Variants in WWOX observed in about 807,000 individuals in gnomAD.
The protein encoded by WWOX is WW domain containing oxidoreductase.
A neutral mutation model predicts 46.2 loss-of-function variants in WWOX; 69 were observed. The ratio of observed to expected loss-of-function variants is 1.49; its 90% CI spans 1.23 to 1.82. The LOEUF (loss-of-function observed/expected upper bound fraction) is 1.82, where lower values mean the gene tolerates loss of function less well. WWOX is among the 40% of genes most tolerant of loss of function. WWOX has a pLI of 0.00. For missense variants in WWOX, 919 were observed against 542.6 expected, an observed-to-expected ratio of 1.69 and a Z score of -6.89; for synonymous variants, 359 against 202.6, an observed-to-expected ratio of 1.77 and a Z score of -6.56.
intron 8 of WWOX, among the ~76,000 whole-genome samples, chr16:78,852,691 A>C (rs576827165): frequency 1.3e-5 from 2 of 152,210 alleles, no homozygotes; most frequent in Admixed American, 6.5e-5. Context: ...GTAATTTGCT[A>C]CACACCAATA....
chr16:78,229,021 G>C (rs1222631375), intron 5 of WWOX, among the ~76,000 whole-genome samples: 1 of 151,908 alleles, frequency 6.6e-6, no homozygotes, highest in African/African-American at 2.4e-5. Flanking sequence ...ATTATGCCAG[G>C]GCTGGTTTGT....
intron 8 of WWOX, among the ~76,000 whole-genome samples, chr16:78,708,673 C>G (rs1473070139): frequency 2.6e-5 from 4 of 152,136 alleles, no homozygotes; most frequent in South Asian, 2.1e-4. Context: ...GGATTAGAAC[C>G]CAGTGAGTTC....
At chr16:78,211,136 G>A (rs2036547365) in intron 5 of WWOX, among the ~76,000 whole-genome samples, 3 of 152,102 alleles carry the variant, frequency 2.0e-5, no homozygotes, top group South Asian at 4.2e-4. Flanking sequence ...ATTTATTTTG[G>A]GTTCTGGCCC....
intron 8 of WWOX, among the ~76,000 whole-genome samples, chr16:78,740,933 T>C (rs1424006981): frequency 5.9e-5 from 9 of 152,192 alleles, no homozygotes; most frequent in African/African-American, 2.2e-4. Context: ...AGTTTATTTT[T>C]TCACTATGTC....
intron 8 of WWOX, among the ~76,000 whole-genome samples, chr16:78,653,068 T>C (rs1394838699): frequency 6.6e-6 from 1 of 152,214 alleles, no homozygotes; most frequent in Non-Finnish European, 1.5e-5. Context: ...TCACTCTTAA[T>C]ATTTTGTTGC....
intron 8 of WWOX, among the ~76,000 whole-genome samples, chr16:78,539,720 G>C (rs1031511387): frequency 2.0e-5 from 3 of 152,190 alleles, no homozygotes; most frequent in Non-Finnish European, 4.4e-5. Flanking sequence ...TCCCTCTAAA[G>C]AGAGGCAGCT....
chr16:78,703,573 C>G (rs887705835), intron 8 of WWOX, among the ~76,000 whole-genome samples: 9 of 151,920 alleles, frequency 5.9e-5, no homozygotes, highest in Non-Finnish European at 1.0e-4. Flanking sequence ...GAGCCCTGGT[C>G]TCACCACTAC....
intron 5 of WWOX, among the ~76,000 whole-genome samples, chr16:78,380,866 A>G (rs1458772000): frequency 3.9e-5 from 6 of 152,214 alleles, no homozygotes; most frequent in Non-Finnish European, 7.3e-5. Context: ...TTGGAAAACA[A>G]TGGTCATCAC....
At chr16:78,889,161 G>A (rs1229621608) in intron 8 of WWOX, among the ~76,000 whole-genome samples, 20 of 152,116 alleles carry the variant, frequency 1.3e-4, no homozygotes, top group Admixed American at 1.3e-3. Context: ...TTAATAATAA[G>A]ATGATAAGGA....
intron 8 of WWOX, among the ~76,000 whole-genome samples, chr16:78,870,962 C>T (rs1436786671): frequency 6.6e-6 from 1 of 152,138 alleles, no homozygotes; most frequent in African/African-American, 2.4e-5. Flanking sequence ...ACCACAACCA[C>T]CAGAGTCTTA....
At chr16:78,877,911 ACTC>A (rs2044266300) in intron 8 of WWOX, among the ~76,000 whole-genome samples, 1 of 151,874 alleles carries the variant, frequency 6.6e-6, no homozygotes, top group South Asian at 2.1e-4. Context: ...GCCCACAGAT[ACTC>A]CTGGATGAGA....
Position 78,293,991 on chromosome 16 carries a change from A to C in WWOX, c.517-92869A>C, listed in dbSNP as rs530116217. Among the ~76,000 whole-genome samples, 475 of 148,286 alleles carry C rather than the reference A, an allele frequency of 3.2e-3. 3 individuals are homozygous for C. Among genetic ancestry groups the C allele is most frequent in the African/African-American group, 0.01 (413 of 39,882 alleles). On this transcript the variant is annotated intron_variant, in intron 5 of 8. Transcript: ENST00000566780. ...GACTCTGTCTCAGAAAAAAAAAAAA[A>C]AAAAAAAAAAAAAAAAAAAGGCTTT... is the stretch of plus-strand genomic sequence containing the variant.
intron 8 of WWOX, among the ~76,000 whole-genome samples, chr16:78,817,622 C>G (rs1311591262): frequency 6.6e-6 from 1 of 152,148 alleles, no homozygotes; most frequent in African/African-American, 2.4e-5. Context: ...ACAAGTAGTT[C>G]AAGTTTAGCC....
chr16:78,118,757 C>G (rs981447452), intron 4 of WWOX, among the ~76,000 whole-genome samples: 19 of 152,180 alleles, frequency 1.2e-4, no homozygotes, highest in Non-Finnish European at 2.1e-4. Context: ...CCCTAACATT[C>G]TCTAAATTAG....
At chr16:78,787,306 C>T (rs990010598) in intron 8 of WWOX, among the ~76,000 whole-genome samples, 7 of 152,146 alleles carry the variant, frequency 4.6e-5, no homozygotes, top group African/African-American at 1.4e-4. Context: ...ACACCATATC[C>T]ATTAAGTGGT....
chr16:78,660,495 A>C (rs901167866), intron 8 of WWOX, among the ~76,000 whole-genome samples: 1 of 152,088 alleles, frequency 6.6e-6, no homozygotes, highest in African/African-American at 2.4e-5. Context: ...TAACATTCAA[A>C]GCTCCTTCTG....
At chr16:78,696,444 A>G (rs76338950) in intron 8 of WWOX, among the ~76,000 whole-genome samples, 1,954 of 152,264 alleles carry the variant, frequency 0.013, 19 homozygotes, top group South Asian at 0.036. Context: ...CACATCCAGT[A>G]GAAACCGAAC....
At chr16:78,383,662 A>C (rs963890225) in intron 5 of WWOX, among the ~76,000 whole-genome samples, 1 of 152,310 alleles carries the variant, frequency 6.6e-6, no homozygotes, top group East Asian at 1.9e-4. Context: ...CCCAACACAC[A>C]CATAAACACA....
chr16:78,412,971 C>T (rs989379757), intron 6 of WWOX, among the ~76,000 whole-genome samples: 1 of 152,094 alleles, frequency 6.6e-6, no homozygotes, highest in Non-Finnish European at 1.5e-5. Context: ...TCCTTCTGTT[C>T]TGATTTTTCC....
Sources: allele counts gnomAD v4.1 joint callset (sites outside exome capture counted in the v4.1 genomes callset), GRCh38; gene constraint gnomAD v4.1.1; transcripts MANE v1.5; gene names NCBI Gene and HGNC (gene_info 2026-07-23, HGNC 2026-07-21).